The following SORCS2 variants were observed in gnomAD, a reference collection of about 807,000 sequenced individuals.
SORCS2 encodes the protein VPS10 domain-containing receptor SorCS2.
In SORCS2, 100 loss-of-function variants were observed where a neutral mutation model predicts 141.6. The observed-to-expected ratio is 0.71, with a 90% confidence interval of 0.60 to 0.83. The LOEUF is 0.83. Among genes scored for constraint, SORCS2 ranks in the 40% least tolerant of loss-of-function variants. The pLI is 0.00. For synonymous variants in SORCS2, 789 were observed against 676.9 expected, an observed-to-expected ratio of 1.17 and a Z score of -2.57; for missense variants, 1,646 against 1,560.2, an observed-to-expected ratio of 1.05 and a Z score of -0.93.
chr4:7,417,662 C>T (rs978611483), intron 2 of SORCS2, among the ~76,000 whole-genome samples: 2 of 152,010 alleles, frequency 1.3e-5, no homozygotes, highest in Non-Finnish European at 2.9e-5. Flanking sequence ...CGGAACGTGG[C>T]CCTTGGCCCC....
chr4:7,366,134 T>A (rs1577451654), intron 1 of SORCS2, among the ~76,000 whole-genome samples: 1 of 152,224 alleles, frequency 6.6e-6, no homozygotes, highest in East Asian at 1.9e-4. Context: ...TCCCCGCACA[T>A]CCCTGCCACC....
chr4:7,353,563 CTG>C (rs1215757088), intron 1 of SORCS2, among the ~76,000 whole-genome samples: 1 of 152,204 alleles, frequency 6.6e-6, no homozygotes, highest in Non-Finnish European at 1.5e-5. Context: ...ACTGTGGACT[CTG>C]GAGCAGAAGA....
intron 3 of SORCS2, among the ~76,000 whole-genome samples, chr4:7,538,192 C>T (rs1021710357): frequency 3.3e-5 from 5 of 152,192 alleles, no homozygotes; most frequent in African/African-American, 7.2e-5. Flanking sequence ...AATTACAGGC[C>T]GAGCAGCACT....
chr4:7,589,461 G>A (rs1004274050), intron 3 of SORCS2, among the ~76,000 whole-genome samples: 29 of 152,100 alleles, frequency 1.9e-4, no homozygotes, highest in Admixed American at 1.2e-3. Flanking sequence ...GGTGTGCAGT[G>A]GCACGATCTC....
chr4:7,477,008 C>T (rs1233651879), intron 2 of SORCS2, among the ~76,000 whole-genome samples: 1 of 152,226 alleles, frequency 6.6e-6, no homozygotes, highest in Non-Finnish European at 1.5e-5. Context: ...TATGTCACCC[C>T]CAGGGCCCCA....
chr4:7,554,650 C>T (rs952007446), intron 3 of SORCS2, among the ~76,000 whole-genome samples: 1 of 152,162 alleles, frequency 6.6e-6, no homozygotes, highest in African/African-American at 2.4e-5. Flanking sequence ...GTGCTCAGGG[C>T]ATCTTTGATG....
chr4:7,452,046 A>G (rs1577586385), intron 2 of SORCS2, among the ~76,000 whole-genome samples: 2 of 152,020 alleles, frequency 1.3e-5, no homozygotes, highest in East Asian at 3.9e-4. Flanking sequence ...CCTGCTCTGC[A>G]CAGCCTTCCC....
intron 3 of SORCS2, among the ~76,000 whole-genome samples, chr4:7,629,122 G>A (rs765488072): frequency 5.9e-5 from 9 of 152,112 alleles, no homozygotes; most frequent in African/African-American, 9.7e-5. Context: ...TGGGTGAGGC[G>A]ACGGCTGTGT....
intron 2 of SORCS2, among the ~76,000 whole-genome samples, chr4:7,492,122 G>A (rs1427967093): frequency 1.3e-5 from 2 of 152,322 alleles, no homozygotes; most frequent in African/African-American, 2.4e-5. Context: ...AGAGACAGGT[G>A]CACGCTGCTG....
intron 1 of SORCS2, among the ~76,000 whole-genome samples, chr4:7,200,965 C>T (rs934059041): frequency 9.9e-5 from 15 of 152,200 alleles, no homozygotes; most frequent in African/African-American, 1.7e-4. Flanking sequence ...AGCTCTTTAC[C>T]GAGCTTCTCT....
chr4:7,404,637 A>T (rs1226815621), intron 2 of SORCS2, among the ~76,000 whole-genome samples: 1 of 152,074 alleles, frequency 6.6e-6, no homozygotes, highest in African/African-American at 2.4e-5. Context: ...CCTGTCGACC[A>T]TGTGTATGTC....
At chr4:7,396,150 G>T in intron 1 of SORCS2, 138 bp from the exon 2 acceptor site, 1 of 695,746 alleles carries the variant, frequency 1.4e-6, no homozygotes, top group East Asian at 2.8e-5. Context: ...GCCTCTCAGG[G>T]ATACTGACTA....
At chr4:7,222,878 G>A (rs1225867777) in intron 1 of SORCS2, among the ~76,000 whole-genome samples, 1 of 152,072 alleles carries the variant, frequency 6.6e-6, no homozygotes, top group African/African-American at 2.4e-5. Context: ...CAGGGAGGCT[G>A]GAAACCATTC....
intron 1 of SORCS2, among the ~76,000 whole-genome samples, chr4:7,292,020 G>A (rs1716635936): frequency 1.3e-5 from 2 of 152,228 alleles, no homozygotes; most frequent in African/African-American, 4.8e-5. Context: ...TGTTGTCTGG[G>A]GGAGGGTCCC....
In SORCS2 at chr4:7,613,500, A is replaced by G. The variant is rs75887643; in HGVS notation, c.649-24828A>G. On this transcript the variant is annotated intron_variant, in intron 3 of 26. Coordinates refer to ENST00000507866, the MANE Select transcript of SORCS2 (RefSeq NM_020777.3). Reference sequence around the variant, plus strand: ...CACTGAGGTGTAATAAGGCATGTCTAGCAACTAAGGAGCACTCTGGGCCCC... The same window carrying G: ...CACTGAGGTGTAATAAGGCATGTCTGGCAACTAAGGAGCACTCTGGGCCCC... Among the ~76,000 whole-genome samples, 639 of 152,312 alleles carry G rather than the reference A, an allele frequency of 4.2e-3. 2 individuals carry two copies. Among genetic ancestry groups the G allele is most frequent in the Non-Finnish European group, 6.8e-3 (465 of 68,018 alleles).
At chr4:7,269,031 G>C (rs978122874) in intron 1 of SORCS2, among the ~76,000 whole-genome samples, 1 of 152,238 alleles carries the variant, frequency 6.6e-6, no homozygotes, top group Non-Finnish European at 1.5e-5. Context: ...CCTGGTGGTT[G>C]GCAGAGCGGG....
chr4:7,727,072 G>A (rs191295479), intron 21 of SORCS2, among the ~76,000 whole-genome samples, 169 bp downstream of exon 21: 39 of 152,292 alleles, frequency 2.6e-4, no homozygotes, highest in Non-Finnish European at 4.1e-4. Context: ...TGTGTGGCCT[G>A]GGCAAAGTCT....
intron 25 of SORCS2, among the ~76,000 whole-genome samples, chr4:7,734,871 C>T (rs528747630): frequency 7.8e-4 from 119 of 152,314 alleles, no homozygotes; most frequent in African/African-American, 2.5e-3. Context: ...CAGGCGCTCC[C>T]GTGGGGAGGG....
At chr4:7,512,419 G>A (rs1479998805) in intron 2 of SORCS2, among the ~76,000 whole-genome samples, 1 of 150,312 alleles carries the variant, frequency 6.7e-6, no homozygotes, top group East Asian at 2.0e-4. Context: ...AAGGGAGGGA[G>A]GGAGGAGGGG....
Sources: allele counts gnomAD v4.1 joint callset (sites outside exome capture counted in the v4.1 genomes callset), GRCh38; gene constraint gnomAD v4.1.1; transcripts MANE v1.5; gene names NCBI Gene and HGNC (gene_info 2026-07-23, HGNC 2026-07-21).